The following TREML4 variants were observed in gnomAD, a reference collection of about 807,000 sequenced individuals.
The protein encoded by TREML4 is triggering receptor expressed on myeloid cells like 4.
A neutral mutation model predicts 25.4 loss-of-function variants in TREML4; 25 were observed. That is an observed-to-expected ratio of 0.98 (90% confidence interval 0.72 to 1.37). The LOEUF (loss-of-function observed/expected upper bound fraction) is 1.37. TREML4 is among the 40% of genes most tolerant of loss of function. The pLI is 0.00. For synonymous variants in TREML4, 92 were observed against 87.9 expected, an observed-to-expected ratio of 1.05 and a Z score of -0.26; for missense variants, 268 against 236.5, an observed-to-expected ratio of 1.13 and a Z score of -0.87.
intron 4 of TREML4, among the ~76,000 whole-genome samples, chr6:41,233,296 A>AAAT (rs1766835929): frequency 6.6e-6 from 1 of 152,246 alleles, no homozygotes; most frequent in Non-Finnish European, 1.5e-5. Flanking sequence ...TAAACTCACA[A>AAAT]AATAAGGACA....
In TREML4 at chr6:41,229,769, C is replaced by T. The variant is rs1023442514; in HGVS notation, c.445+198C>T. The T allele has an allele frequency of 1.8e-5, 12 of 659,604 alleles. 1 individual carries two copies. The highest frequency in any genetic ancestry group is 1.1e-4 in the East Asian group (4 of 36,698). The allele number at this position is 659,604 out of a possible 1,614,324, so 40.9% of individuals were successfully genotyped here. A position where few individuals can be genotyped will look rare whatever the true frequency, so the allele number is the denominator to read the frequency against. On this transcript the variant is annotated intron_variant, in intron 3 of 5. Coordinates refer to ENST00000341495, the MANE Select transcript of TREML4 (RefSeq NM_198153.3). ...GCACTATCTGATGTGATCAGAAGATCGCCATGTTCTCACGATGATGGGAGG... is the reference window on the plus strand; with the variant it reads ...GCACTATCTGATGTGATCAGAAGATTGCCATGTTCTCACGATGATGGGAGG...
At chr6:41,232,775 T>C (rs1391457786) in intron 4 of TREML4, among the ~76,000 whole-genome samples, 3 of 152,188 alleles carry the variant, frequency 2.0e-5, no homozygotes, top group Non-Finnish European at 1.5e-5. Flanking sequence ...ATAGGGTTCA[T>C]GCTACTACGA....
In TREML4 at chr6:41,228,950, A is replaced by T. The variant is rs903660210; in HGVS notation, c.300A>T (p.Thr100=). ...TCAACATCACCATGATTCAGCTGAC[A>T]CAGAATGACTCGGGATTCTACTGGT... ...GFFNITMIQL[T]QNDSGFYWCG... Residue 100 remains threonine (T), a synonymous_variant, in exon 2 of 6, where the codon ACA becomes ACT. Transcript: ENST00000341495. 1.2e-6 allele frequency: 2 copies of T among 1,613,818 alleles called. No homozygotes were observed. Among genetic ancestry groups the T allele is most frequent in the African/African-American group, 2.7e-5 (2 of 74,894 alleles).
intron 4 of TREML4, chr6:41,232,366 T>A (rs906934432): frequency 1.5e-5 from 6 of 407,400 alleles, no homozygotes; most frequent in Non-Finnish European, 3.0e-5. Flanking sequence ...TTTATAGGAA[T>A]GGCAGCTAAG....
At chr6:41,229,835 G>A (rs534898563) in intron 3 of TREML4, among the ~76,000 whole-genome samples, 14 of 152,306 alleles carry the variant, frequency 9.2e-5, no homozygotes, top group South Asian at 2.1e-4. Flanking sequence ...CCTTGCACAC[G>A]TGTGTCCCAG....
intron 4 of TREML4, chr6:41,232,404 A>C (rs1309735515): frequency 2.4e-6 from 1 of 412,848 alleles, no homozygotes; most frequent in Non-Finnish European, 5.0e-6. Context: ...GAGAAAATAC[A>C]TTCATGGTCA....
In TREML4 at chr6:41,236,349, C is replaced by T. The variant is rs957885433; in HGVS notation, c.507-137C>T. 4 of 665,134 alleles carry T rather than the reference C, an allele frequency of 6.0e-6. No individual in the cohort carries two copies. In the African/African-American group the frequency reaches 7.2e-5, roughly 12 times the overall value. The allele number at this position is 665,134 out of a possible 1,614,324, so 41.2% of individuals were successfully genotyped here. On this transcript the variant is annotated intron_variant, in intron 4 of 5. Coordinates refer to ENST00000341495, the MANE Select transcript of TREML4 (RefSeq NM_198153.3). ...AGAGACCTCTGTGGCTCCTGCCCCACACCCCTCTGTCATCGTTCAGGGTGG... is the reference window on the plus strand; with the variant it reads ...AGAGACCTCTGTGGCTCCTGCCCCATACCCCTCTGTCATCGTTCAGGGTGG...
intron 2 of TREML4, 70 bp from the exon 3 acceptor site, chr6:41,229,451 T>C: frequency 6.4e-7 from 1 of 1,550,996 alleles, no homozygotes; most frequent in South Asian, 1.1e-5. Flanking sequence ...TACCTCCTCT[T>C]ATGTATGGGG....
At position 41,236,585 on chromosome 6, in the gene TREML4, C is replaced by T. The variant is rs1269007396; in HGVS notation, c.*3C>T. ...TGGCCAAGGGCCTGATGTTGTGAGT[C>T]CTGTTAGTGCTCCTGATCTGCAGGT... On this transcript the variant is annotated 3_prime_UTR_variant, in exon 5 of 6. Transcript: ENST00000341495. The T allele has an allele frequency of 6.2e-7, 1 of 1,612,230 alleles. No homozygotes were observed.
At chr6:41,231,184 A>T (rs772622356) in intron 4 of TREML4, 1 of 324,884 alleles carries the variant, frequency 3.1e-6, no homozygotes, top group South Asian at 2.4e-5. Flanking sequence ...TAATAATAGA[A>T]ATAAAGTGCA....
chr6:41,228,517 G>T (rs752808228), intron 1 of TREML4, 27 bp downstream of exon 1: 7 of 1,606,212 alleles, frequency 4.4e-6, no homozygotes, highest in Middle Eastern at 1.7e-4. Context: ...GAGTGCAGGG[G>T]GTGTAAGGAG....
rs1169336903 is a variant in TREML4 at position 41,237,273 on chromosome 6, CT to C, written c.*255del. On this transcript the variant is annotated 3_prime_UTR_variant, in exon 6 of 6. Coordinates refer to ENST00000341495, the MANE Select transcript of TREML4 (RefSeq NM_198153.3). Reference sequence around the variant, plus strand: ...CCCCTGAACTCCCCGGTGGTGACCCCTCACCCCTGCACTGAGCCCCCTTAGA... The same window carrying C: ...CCCCTGAACTCCCCGGTGGTGACCCCCACCCCTGCACTGAGCCCCCTTAGA... 1 of 152,704 alleles carries C rather than the reference CT, an allele frequency of 6.5e-6. No homozygotes were observed. Among genetic ancestry groups the C allele is most frequent in the Non-Finnish European group, 1.5e-5 (1 of 68,418 alleles). 9.5% of individuals were successfully genotyped at this position (152,704 alleles called of 1,614,324 possible). A position where few individuals can be genotyped will look rare whatever the true frequency, so the allele number is the denominator to read the frequency against.
chr6:41,236,894 A>C (rs1766915923), intron 5 of TREML4, among the ~76,000 whole-genome samples, 161 bp from the exon 6 acceptor site: 1 of 151,918 alleles, frequency 6.6e-6, no homozygotes, highest in Non-Finnish European at 1.5e-5. Context: ...GCCTGGGTAG[A>C]AGGTTTAGGA....
chr6:41,229,563 C>G lies in TREML4; in HGVS notation c.437C>G (p.Thr146Arg), dbSNP rs9471515. The G allele has an allele frequency of 2.0e-5, 33 of 1,613,890 alleles. No homozygotes were observed. In the East Asian group the frequency reaches 7.1e-4, roughly 35 times the overall value. Residue 146 changes from threonine to arginine, a missense_variant, in exon 3 of 6, where the codon ACA (threonine) becomes AGA (arginine). Coordinates refer to ENST00000341495, the MANE Select transcript of TREML4 (RefSeq NM_198153.3). ...ATGTGGACTCTTCCCTGGCTCCCAA[C>G]AAGCACAGGTAGGTTGGAGGCCTCG... ...SPMWTLPWLP[T>R]STVLITSPEG...
In TREML4 at chr6:41,237,959, T is replaced by C. The variant is rs566977399; in HGVS notation, c.*940T>C. 20 of 152,308 alleles carry C rather than the reference T, an allele frequency of 1.3e-4. No individual in the cohort carries two copies. In the East Asian group the frequency reaches 3.3e-3, roughly 25 times the overall value. The allele number at this position is 152,308 out of a possible 1,614,324, so 9.4% of individuals were successfully genotyped here. ...CACATATTTATGAAGCAAGAATAGGTACAGTCATTTTCCAACTAACATCTA... is the reference window on the plus strand; with the variant it reads ...CACATATTTATGAAGCAAGAATAGGCACAGTCATTTTCCAACTAACATCTA... On this transcript the variant is annotated 3_prime_UTR_variant, in exon 6 of 6. Coordinates refer to ENST00000341495, the MANE Select transcript of TREML4 (RefSeq NM_198153.3).
chr6:41,229,386 T>C, intron 2 of TREML4, 135 bp from the exon 3 acceptor site: 2 of 918,166 alleles, frequency 2.2e-6, no homozygotes, highest in Non-Finnish European at 3.6e-6. Flanking sequence ...CATGCAGATC[T>C]TAGGCACAGA....
intron 4 of TREML4, among the ~76,000 whole-genome samples, chr6:41,231,593 T>A (rs1313628208): frequency 6.6e-6 from 1 of 152,108 alleles, no homozygotes; most frequent in East Asian, 1.9e-4. Flanking sequence ...ATGTGGATCA[T>A]GAGGACGATC....
At chr6:41,229,085 C>CA (rs1766736822) in intron 2 of TREML4, 41 bp downstream of exon 2, 1 of 1,544,286 alleles carries the variant, frequency 6.5e-7, no homozygotes, top group Admixed American at 1.7e-5. Flanking sequence ...TGCCACCCCC[C>CA]AGGGACCTGA....
chr6:41,238,629 G>A lies in TREML4; in HGVS notation c.*1610G>A, dbSNP rs1421003158. The A allele has an allele frequency of 1.3e-5, 2 of 152,132 alleles. No homozygotes were observed. The highest frequency in any genetic ancestry group is 4.8e-5 in the African/African-American group (2 of 41,422). The allele number at this position is 152,132 out of a possible 1,614,324, so 9.4% of individuals were successfully genotyped here. On this transcript the variant is annotated 3_prime_UTR_variant, in exon 6 of 6. Coordinates refer to ENST00000341495, the MANE Select transcript of TREML4 (RefSeq NM_198153.3). ...ACACAGGTGGCATCAGCTGGGTTGT[G>A]GGATCTCAGACATCTAATTAATACT...
Sources: gnomAD v4.1 joint callset for allele counts (sites outside exome capture counted in the v4.1 genomes callset) on GRCh38, gnomAD v4.1.1 for gene constraint, MANE v1.5 for transcripts, NCBI Gene and HGNC (gene_info 2026-07-23, HGNC 2026-07-21) for gene names.